APLP2: variants seen among roughly 807,000 people sequenced by gnomAD.
APLP2 encodes amyloid beta precursor like protein 2, also known as CDEI box-binding protein.
A neutral mutation model predicts 89.9 loss-of-function variants in APLP2; 53 were observed. That is an observed-to-expected ratio of 0.59 (90% CI 0.47 to 0.74). The LOEUF (loss-of-function observed/expected upper bound fraction) is 0.74. Ranked by LOEUF, APLP2 falls within the 30% of genes least tolerant of loss-of-function variation. APLP2 has a pLI of 0.00. For synonymous variants in APLP2, 372 were observed against 348.6 expected (o/e 1.07, Z -0.75); for missense variants, 973 against 975.9 (o/e 1.00, Z 0.04).
chr11:130,130,001 A>G (rs774536031), intron 10 of APLP2, 37 bp from the exon 11 acceptor site: 6 of 1,603,464 alleles, frequency 3.7e-6, no homozygotes, highest in Admixed American at 3.4e-5. Flanking sequence ...TCAATTCTCT[A>G]GTCTCTGGAT....
chr11:130,092,890 G>C (rs2135568500), intron 1 of APLP2, among the ~76,000 whole-genome samples: 1 of 152,206 alleles, frequency 6.6e-6, no homozygotes, highest in Middle Eastern at 3.4e-3. Context: ...ATCTTAGCCG[G>C]GAGGAGCCAA....
intron 7 of APLP2, among the ~76,000 whole-genome samples, chr11:130,124,167 A>C (rs1238147278): frequency 6.6e-6 from 1 of 152,152 alleles, no homozygotes; most frequent in African/African-American, 2.4e-5. Context: ...GGCACTGAAC[A>C]TTCCTGTCTT....
At chr11:130,132,043 C>T (rs1228912725) in intron 11 of APLP2, among the ~76,000 whole-genome samples, 2 of 152,082 alleles carry the variant, frequency 1.3e-5, no homozygotes, top group East Asian at 1.9e-4. Context: ...GGTGCTTTTA[C>T]CCCCATACTA....
intron 13 of APLP2, among the ~76,000 whole-genome samples, chr11:130,137,649 A>T (rs919336208): frequency 2.0e-5 from 3 of 152,204 alleles, no homozygotes; most frequent in Non-Finnish European, 2.9e-5. Flanking sequence ...TCTCCGTATA[A>T]ATATGCCTTA....
intron 3 of APLP2, among the ~76,000 whole-genome samples, chr11:130,119,534 C>T (rs970873649): frequency 6.6e-6 from 1 of 152,188 alleles, no homozygotes; most frequent in Non-Finnish European, 1.5e-5. Flanking sequence ...TTCTATAGGC[C>T]CACTCCCTCA....
Position 130,109,550 on chromosome 11 carries a change from G to A in APLP2, c.227G>A (p.Gly76Asp). Residue 76 changes from glycine (G) to aspartate (D), a missense_variant, in exon 2 of 17, where the codon GGC becomes GAC. By Grantham distance (94) the Gly-to-Asp change is moderately conservative. Coordinates refer to ENST00000338167, the MANE Select transcript of APLP2 (RefSeq NM_001142276.2). ...GGGAAATGGGAACCTGATCCAACAGGCACCAAGAGCTGCTTTGAAACAAAA... is the reference window on the plus strand; with the variant it reads ...GGGAAATGGGAACCTGATCCAACAGACACCAAGAGCTGCTTTGAAACAAAA... ...QTGKWEPDPT[G>D]TKSCFETKEE... The A allele has an allele frequency of 6.2e-7, 1 of 1,613,528 alleles. No individual in the cohort carries two copies. The highest frequency in any genetic ancestry group is 8.5e-7 in the Non-Finnish European group (1 of 1,179,738).
At chr11:130,112,859 T>A (rs1017485717) in intron 3 of APLP2, among the ~76,000 whole-genome samples, 1 of 152,216 alleles carries the variant, frequency 6.6e-6, no homozygotes, top group Admixed American at 6.5e-5. Context: ...CTCTGTGATG[T>A]CATGCTTTAG....
intron 4 of APLP2, 93 bp downstream of exon 4, chr11:130,120,911 TTA>T: frequency 1.2e-6 from 1 of 866,412 alleles, no homozygotes; most frequent in Non-Finnish European, 1.9e-6. Flanking sequence ...TTTAAGTTAG[TTA>T]TGTTTCCCCC....
At chr11:130,105,058 CTG>C (rs1362906099) in intron 1 of APLP2, among the ~76,000 whole-genome samples, 2 of 152,214 alleles carry the variant, frequency 1.3e-5, no homozygotes, top group African/African-American at 4.8e-5. Context: ...TTGTTCATGT[CTG>C]TGTAGTTCAT....
chr11:130,076,436 T>C (rs1942134803), intron 1 of APLP2, among the ~76,000 whole-genome samples: 1 of 152,142 alleles, frequency 6.6e-6, no homozygotes, highest in East Asian at 1.9e-4. Flanking sequence ...GTTGTGTCAT[T>C]TTTGTATTCT....
chr11:130,137,621 G>A (rs972165083), intron 13 of APLP2, among the ~76,000 whole-genome samples: 2 of 152,192 alleles, frequency 1.3e-5, no homozygotes, highest in African/African-American at 2.4e-5. Flanking sequence ...TCCAACTTAG[G>A]TTGGTTGTGA....
In APLP2 at chr11:130,121,800, G is replaced by A. The variant is rs1949856874; in HGVS notation, c.703G>A (p.Val235Ile). The A allele has an allele frequency of 3.1e-6, 5 of 1,610,996 alleles. No homozygotes were observed. The highest frequency in any genetic ancestry group is 4.2e-6 in the Non-Finnish European group (5 of 1,179,918). ...EEEDEEEDYDVYKSEFPTEAD... is the reference protein window; with the variant it reads ...EEEDEEEDYDIYKSEFPTEAD... ...GGAAGATGAAGAGGAAGACTATGAT[G>A]TTTATAAAAGGTAACTCTTCTACTT... The change falls in exon 5 of 17, where the codon GTT becomes ATT. Residue 235 changes from valine (V) to isoleucine (I), a missense_variant. By Grantham distance (29) the Val-to-Ile change is conservative. Transcript: ENST00000338167.
chr11:130,096,949 C>G (rs1364691782), intron 1 of APLP2, among the ~76,000 whole-genome samples: 1 of 152,126 alleles, frequency 6.6e-6, no homozygotes, highest in African/African-American at 2.4e-5. Context: ...TTTATTACTT[C>G]AGTTTTTTAA....
At chr11:130,135,512 C>T (rs771928060) in intron 12 of APLP2, 51 bp from the exon 13 acceptor site, 2 of 1,594,476 alleles carry the variant, frequency 1.3e-6, no homozygotes, top group South Asian at 1.1e-5. Flanking sequence ...TGTGCCTGGA[C>T]ACCAGGCCCT....
At chr11:130,135,042 G>C (rs138801684) in intron 12 of APLP2, among the ~76,000 whole-genome samples, 1 of 152,224 alleles carries the variant, frequency 6.6e-6, no homozygotes, top group Non-Finnish European at 1.5e-5. Flanking sequence ...ATTTAAAACT[G>C]GCGTCGGGGA....
In APLP2 at chr11:130,069,989, C is replaced by G. The variant is rs1326247883; in HGVS notation, c.12C>G (p.Thr4=). The change falls in exon 1 of 17, where the codon ACC becomes ACG. Residue 4 remains threonine (T), a synonymous_variant. Coordinates refer to ENST00000338167, the MANE Select transcript of APLP2 (RefSeq NM_001142276.2). MAA[T]GTAAAAATGR... Reference sequence around the variant, plus strand: ...CGACCCGGCGAGGGATGGCGGCCACCGGGACCGCGGCCGCCGCAGCCACGG... The same window carrying G: ...CGACCCGGCGAGGGATGGCGGCCACGGGGACCGCGGCCGCCGCAGCCACGG... 2.0e-6 allele frequency: 3 copies of G among 1,501,944 alleles called. No individual in the cohort carries two copies. Among genetic ancestry groups the G allele is most frequent in the Non-Finnish European group, 8.8e-7 (1 of 1,130,316 alleles). 93.0% of individuals were successfully genotyped at this position (1,501,944 alleles called of 1,614,324 possible). A position where few individuals can be genotyped will look rare whatever the true frequency, so the allele number is the denominator to read the frequency against.
At chr11:130,070,143 CGGGCGGGCAGCGGGGTCCGCGGCA>C in intron 1 of APLP2, 61 bp downstream of exon 1, 1 of 1,168,800 alleles carries the variant, frequency 8.6e-7, no homozygotes, top group Non-Finnish European at 1.1e-6. Flanking sequence ...GCGCGGACTG[CGGGCGGGCAGCGGGGTCCGCGGCA>C]GGGCGGGCCG....
chr11:130,095,792 T>TA (rs1241786569), intron 1 of APLP2, among the ~76,000 whole-genome samples: 1 of 152,246 alleles, frequency 6.6e-6, no homozygotes, highest in Non-Finnish European at 1.5e-5. Flanking sequence ...GATTTAGAAA[T>TA]ACCTGCAGGT....
intron 13 of APLP2, chr11:130,139,758 T>C (rs1952116017): frequency 1.3e-5 from 2 of 152,280 alleles, no homozygotes; most frequent in African/African-American, 4.8e-5. Context: ...TTCCTGTTTA[T>C]CTTCTAATAG....
Sources: gnomAD v4.1 joint callset for allele counts (sites outside exome capture counted in the v4.1 genomes callset) on GRCh38, gnomAD v4.1.1 for gene constraint, MANE v1.5 for transcripts, NCBI Gene and HGNC (gene_info 2026-07-23, HGNC 2026-07-21) for gene names.